PFKFB3: variants seen among roughly 807,000 people sequenced by gnomAD.
PFKFB3 encodes 6-phosphofructo-2-kinase/fructose-2,6-biphosphatase 3, also known as 6-phosphofructo-2-kinase/fructose-2,6-bisphosphatase 3.
A neutral mutation model predicts 68.0 loss-of-function variants in PFKFB3; 33 were observed. The observed-to-expected ratio is 0.49, with a 90% confidence interval of 0.37 to 0.65. The LOEUF (loss-of-function observed/expected upper bound fraction) is 0.65. PFKFB3 is among the 30% of genes least tolerant of loss of function. The pLI, the probability that PFKFB3 is intolerant of heterozygous loss-of-function variation, is 0.00. For synonymous variants in PFKFB3, 315 were observed against 288.2 expected (o/e 1.09, Z -0.94); for missense variants, 586 against 712.2 (o/e 0.82, Z 2.02).
At chr10:6,178,203 C>G (rs991700601) in intron 1 of PFKFB3, among the ~76,000 whole-genome samples, 1 of 152,134 alleles carries the variant, frequency 6.6e-6, no homozygotes, top group African/African-American at 2.4e-5. Flanking sequence ...CGTCTCTGCC[C>G]CAGTTTTGGG....
At chr10:6,252,979 C>T (rs556018837) in intron 14 of PFKFB3, among the ~76,000 whole-genome samples, 82 of 152,228 alleles carry the variant, frequency 5.4e-4, no homozygotes, top group Middle Eastern at 3.4e-3. Flanking sequence ...AGTGCAGTGG[C>T]GCGATGTCAG....
At chr10:6,196,642 C>A (rs151208388) in intron 1 of PFKFB3, among the ~76,000 whole-genome samples, 3 of 152,154 alleles carry the variant, frequency 2.0e-5, no homozygotes, top group Non-Finnish European at 2.9e-5. Flanking sequence ...AGTCTTTCCA[C>A]GGTCTTCTGC....
chr10:6,220,545 G>A lies in PFKFB3; in HGVS notation c.624-113G>A. ...AGGATTCAGTCTGTGCCCTGGAGGG[G>A]CCTACGGTCCCGCCTTGCTGTTCTC... On this transcript the variant is annotated intron_variant, in intron 7 of 14. Transcript: ENST00000379775. This position sits in a 1 kb window ranked among gnomAD's most constrained non-coding sequence, Gnocchi z 4.1. 1 of 889,936 alleles carries A rather than the reference G, an allele frequency of 1.1e-6. No individual in the cohort carries two copies. The highest frequency in any genetic ancestry group is 1.8e-6 in the Non-Finnish European group (1 of 555,706). 55.1% of individuals were successfully genotyped at this position (889,936 alleles called of 1,614,324 possible).
Position 6,228,621 on chromosome 10 carries a change from G to A in PFKFB3, c.1515+2256G>A, listed in dbSNP as rs1845517252. Among the ~76,000 whole-genome samples the A allele has an allele frequency of 6.6e-6, 1 of 152,132 alleles. No homozygotes were observed. Among genetic ancestry groups the A allele is most frequent in the African/African-American group, 2.4e-5 (1 of 41,438 alleles). On this transcript the variant is annotated intron_variant, in intron 14 of 14. Coordinates refer to ENST00000379775, the MANE Select transcript of PFKFB3 (RefSeq NM_004566.4). The surrounding 1 kb of genome is among the most constrained non-coding windows in gnomAD (Gnocchi z 4.5). ...AGCCTTAAAGCCCCCTCCTGCCCCA[G>A]GAGTGTCCTTTGTTTTGGAAGGAAA...
chr10:6,276,838 TTGTG>T, the PFKFB3 span, among the ~76,000 whole-genome samples: 73 of 147,308 alleles, frequency 5.0e-4, 2 homozygotes, highest in African/African-American at 9.0e-4. Flanking sequence ...TTATATGTAT[TTGTG>T]TGTGTGTGTG....
the PFKFB3 span, among the ~76,000 whole-genome samples, chr10:6,302,449 T>G: frequency 7.3e-6 from 1 of 136,398 alleles, no homozygotes; most frequent in African/African-American, 2.8e-5. Context: ...TGGTGCAACC[T>G]TGGCTCACTG....
At chr10:6,221,826 G>C in intron 10 of PFKFB3, 81 bp downstream of exon 10, 1 of 923,812 alleles carries the variant, frequency 1.1e-6, no homozygotes, top group Non-Finnish European at 1.7e-6. Flanking sequence ...CCTCCAGGGA[G>C]TTCACTTCCG....
At position 6,252,436 on chromosome 10, in the gene PFKFB3, G is replaced by A. The variant is rs184370847; in HGVS notation, c.1516-1742G>A. Among the ~76,000 whole-genome samples, 176 of 152,232 alleles carry A rather than the reference G, an allele frequency of 1.2e-3. 2 individuals carry two copies. The highest frequency in any genetic ancestry group is 1.9e-3 in the Non-Finnish European group (131 of 68,022). The stretch of plus-strand genomic sequence containing the variant: ...ACAAGTTCATCTCTCTTGATTCATC[G>A]ATTCAGTTTCTAGAAATCTCTCCCA... On this transcript the variant is annotated intron_variant, in intron 14 of 14. Transcript: ENST00000640683.
exon 1 of PFKFB3, chr10:6,144,983 A>G (rs2131660673): frequency 1.5e-6 from 2 of 1,296,738 alleles, no homozygotes; most frequent in Non-Finnish European, 2.0e-6. Context: ...CCCCGCGGGG[A>G]GCGCCCCCGG....
At chr10:6,146,486 C>T (rs1194759893) in intron 1 of PFKFB3, 1 of 1,535,470 alleles carries the variant, frequency 6.5e-7, no homozygotes, top group Admixed American at 2.0e-5. Flanking sequence ...TCGGTGTCTC[C>T]ATTAATCCAG....
At chr10:6,275,471 C>G in the PFKFB3 span, among the ~76,000 whole-genome samples, 1 of 152,240 alleles carries the variant, frequency 6.6e-6, no homozygotes, top group Non-Finnish European at 1.5e-5. The surrounding 1 kb of genome is among the most constrained non-coding windows in gnomAD (Gnocchi z 4.9). Flanking sequence ...GTGATGGAGT[C>G]AGGCCTCTGC....
chr10:6,258,903 C>T (rs911546960), downstream of PFKFB3, among the ~76,000 whole-genome samples: 1 of 152,200 alleles, frequency 6.6e-6, no homozygotes, highest in South Asian at 2.1e-4. Flanking sequence ...CAAAAATGGC[C>T]ACCAACTTTC....
At chr10:6,294,271 A>G in the PFKFB3 span, 1 of 525,586 alleles carries the variant, frequency 1.9e-6, no homozygotes, top group South Asian at 1.4e-5. Flanking sequence ...GCAGTGTATT[A>G]ATCTGTTCTC....
the PFKFB3 span, among the ~76,000 whole-genome samples, chr10:6,264,183 G>C: frequency 4.6e-5 from 7 of 152,172 alleles, no homozygotes; most frequent in Non-Finnish European, 1.0e-4. Context: ...TAGAGGGACT[G>C]CTTCTAGATG....
At chr10:6,203,402 C>T in intron 1 of PFKFB3, 66 bp downstream of exon 1, 2 of 1,276,444 alleles carry the variant, frequency 1.6e-6, no homozygotes, top group African/African-American at 1.6e-5. Flanking sequence ...TTGTGTGGGG[C>T]GGCTTTGTGC....
At chr10:6,313,810 G>A in the PFKFB3 span, among the ~76,000 whole-genome samples, 2 of 152,302 alleles carry the variant, frequency 1.3e-5, no homozygotes, top group South Asian at 4.1e-4. The surrounding 1 kb of genome is among the most constrained non-coding windows in gnomAD (Gnocchi z 4.2). Flanking sequence ...GCTCTCAATA[G>A]CTATTAAATT....
intron 1 of PFKFB3, among the ~76,000 whole-genome samples, chr10:6,183,390 C>T (rs1842773114): frequency 6.6e-6 from 1 of 151,998 alleles, no homozygotes; most frequent in African/African-American, 2.4e-5. Context: ...TTCCTGTGCA[C>T]CTGTCTCATT....
chr10:6,177,389 T>TTTC (rs1554842897), intron 1 of PFKFB3, among the ~76,000 whole-genome samples: 33 of 123,078 alleles, frequency 2.7e-4, no homozygotes, highest in East Asian at 2.3e-3. Flanking sequence ...TCTTTCTTTC[T>TTTC]TTCTTTCTTT....
chr10:6,181,551 G>C (rs1367914223), intron 1 of PFKFB3, among the ~76,000 whole-genome samples: 2 of 152,218 alleles, frequency 1.3e-5, no homozygotes, highest in Non-Finnish European at 2.9e-5. Flanking sequence ...TGGGTGCAGT[G>C]GCTCACGCCT....
Sources: allele counts gnomAD v4.1 joint callset (sites outside exome capture counted in the v4.1 genomes callset), GRCh38; gene constraint gnomAD v4.1.1; non-coding constraint Gnocchi (gnomAD v3.1); transcripts MANE v1.5; gene names NCBI Gene and HGNC (gene_info 2026-07-23, HGNC 2026-07-21).